PCDHA2: variants seen among roughly 807,000 people sequenced by gnomAD.
PCDHA2 encodes protocadherin alpha-2.
In PCDHA2, 58 loss-of-function variants were observed where a neutral mutation model predicts 66.0. That is an observed-to-expected ratio of 0.88 (90% CI 0.71 to 1.09). The LOEUF (loss-of-function observed/expected upper bound fraction) is 1.09. Among genes scored for constraint, PCDHA2 ranks in the 50% least tolerant of loss-of-function variants. PCDHA2 has a pLI of 0.00. For synonymous variants in PCDHA2, 634 were observed against 554.0 expected (o/e 1.14, Z -2.03); for missense variants, 1,267 against 1,242.3 (o/e 1.02, Z -0.30).
intron 1 of PCDHA2, chr5:140,870,955 C>A (rs782342308): frequency 1.9e-6 from 3 of 1,613,632 alleles, no homozygotes; most frequent in Non-Finnish European, 2.5e-6. Flanking sequence ...GGGCGGCTCG[C>A]GCATCCCGTT....
intron 1 of PCDHA2, among the ~76,000 whole-genome samples, chr5:140,971,134 G>A (rs1387380195): frequency 6.6e-6 from 1 of 152,170 alleles, no homozygotes; most frequent in African/African-American, 2.4e-5. Context: ...GTGGTGAAGA[G>A]GCATGAACAA....
intron 1 of PCDHA2, chr5:140,882,640 G>C (rs1330929245): frequency 1.2e-6 from 2 of 1,614,068 alleles, no homozygotes; most frequent in Admixed American, 3.3e-5. Context: ...TGAAGGTGAG[G>C]GACATTAACG....
In PCDHA2 at chr5:140,796,206, C is replaced by T. The variant is rs1355521802; in HGVS notation, c.1242C>T (p.Asp414=). 15 of 1,614,096 alleles carry T rather than the reference C, an allele frequency of 9.3e-6. No homozygotes were observed. Among genetic ancestry groups the T allele is most frequent in the Middle Eastern group, 1.6e-4 (1 of 6,072 alleles). ...YYSLVLDSAL[D]RESVSAYELV... ...CGTTGGTGCTGGACAGCGCCCTGGA[C>T]CGCGAGAGCGTGTCAGCCTATGAGC... The change falls in exon 1 of 4, where the codon GAC becomes GAT. Residue 414 remains aspartate, a synonymous_variant. Coordinates refer to ENST00000526136, the MANE Select transcript of PCDHA2 (RefSeq NM_018905.3).
intron 1 of PCDHA2, among the ~76,000 whole-genome samples, chr5:140,845,869 C>A (rs1190017155): frequency 6.7e-6 from 1 of 149,586 alleles, no homozygotes; most frequent in Non-Finnish European, 1.5e-5. Flanking sequence ...TGCAGAAAGG[C>A]AACCTAAAAT....
chr5:140,997,567 G>A (rs1163598467), intron 3 of PCDHA2, among the ~76,000 whole-genome samples: 1 of 152,130 alleles, frequency 6.6e-6, no homozygotes, highest in Non-Finnish European at 1.5e-5. Flanking sequence ...ACTGTCATAT[G>A]TGTGGTCCGT....
At chr5:140,905,395 G>T (rs1562949609) in intron 1 of PCDHA2, among the ~76,000 whole-genome samples, 1 of 152,166 alleles carries the variant, frequency 6.6e-6, no homozygotes. Context: ...AGGTCTGTGT[G>T]CCTATTTTTA....
At chr5:140,870,193 C>T in intron 1 of PCDHA2, 2 of 1,614,156 alleles carry the variant, frequency 1.2e-6, no homozygotes, top group Non-Finnish European at 8.5e-7. Flanking sequence ...GGACGCTCAG[C>T]CCAGCACGGT....
chr5:140,814,233 T>C (rs115891865), intron 1 of PCDHA2: 340 of 152,654 alleles, frequency 2.2e-3, no homozygotes, highest in Non-Finnish European at 4.0e-3. Context: ...TTTGTTGTTG[T>C]TGTTAAAAAT....
chr5:141,003,411 G>A (rs537266386), intron 3 of PCDHA2, among the ~76,000 whole-genome samples: 4 of 152,092 alleles, frequency 2.6e-5, no homozygotes, highest in Non-Finnish European at 4.4e-5. Context: ...TCCCGGGTTC[G>A]AGTGATTCTT....
chr5:140,842,806 G>A (rs2150344901), intron 1 of PCDHA2: 10 of 1,594,218 alleles, frequency 6.3e-6, no homozygotes, highest in South Asian at 3.3e-5. Context: ...ACTCGCTTGT[G>A]GAGCGGCGGG....
intron 1 of PCDHA2, chr5:140,850,741 C>G: frequency 6.3e-7 from 1 of 1,597,822 alleles, no homozygotes. Flanking sequence ...GGGAGTTGGT[C>G]GTACTCGCAG....
chr5:140,962,554 C>T lies in PCDHA2; in HGVS notation c.2389-16395C>T, dbSNP rs567554880. ...TTAGAACTAAAAATGTAGAGGATCTCCCCCTAAAAGCCAATTGTTAATGCC... is the reference window on the plus strand; with the variant it reads ...TTAGAACTAAAAATGTAGAGGATCTTCCCCTAAAAGCCAATTGTTAATGCC... On this transcript the variant is annotated intron_variant, in intron 1 of 3. Transcript: ENST00000526136. 3.9e-5 allele frequency among the ~76,000 whole-genome samples: 6 copies of T among 152,284 alleles called. No individual in the cohort carries two copies. The South Asian group carries it at 1.2e-3, about 32-fold the overall frequency.
intron 1 of PCDHA2, chr5:140,848,890 T>A (rs1554142528): frequency 3.1e-6 from 5 of 1,595,934 alleles, no homozygotes; most frequent in Non-Finnish European, 4.3e-6. Context: ...AACCCTCCAG[T>A]GTTCCCAGCG....
intron 1 of PCDHA2, chr5:140,808,960 G>A (rs1554124917): frequency 6.2e-7 from 1 of 1,613,474 alleles, no homozygotes; most frequent in Admixed American, 1.7e-5. Context: ...GCCACGTGGT[G>A]GCAAAGGTGC....
intron 1 of PCDHA2, chr5:140,883,560 G>C: frequency 6.2e-7 from 1 of 1,614,184 alleles, no homozygotes; most frequent in South Asian, 1.1e-5. Flanking sequence ...CGGGACGGGG[G>C]CTCGCCTTCG....
rs983313958 is a variant in PCDHA2 at position 140,856,486 on chromosome 5, G to A, written c.2388+59134G>A. The A allele has an allele frequency of 4.4e-6, 7 of 1,598,346 alleles. No homozygotes were observed. The Middle Eastern group carries it at 1.0e-3, about 228-fold the overall frequency. On this transcript the variant is annotated intron_variant, in intron 1 of 3. Transcript: ENST00000526136. ...AGCTCTCAATACCTGAATCCAGACTGCTTGACTCTCGATTTCCACTAGAAG... is the reference window on the plus strand; with the variant it reads ...AGCTCTCAATACCTGAATCCAGACTACTTGACTCTCGATTTCCACTAGAAG...
chr5:140,878,027 G>C, intron 1 of PCDHA2: 1 of 699,256 alleles, frequency 1.4e-6, no homozygotes, highest in Non-Finnish European at 2.1e-6. Flanking sequence ...GAAATATGTA[G>C]GTACAATGGA....
chr5:140,802,841 C>T (rs782694897), intron 1 of PCDHA2: 2 of 1,613,538 alleles, frequency 1.2e-6, no homozygotes, highest in Non-Finnish European at 1.7e-6. Context: ...TGGGCAGCAA[C>T]GTGACGCTGC....
chr5:140,851,798 T>C lies in PCDHA2; in HGVS notation c.2388+54446T>C. On this transcript the variant is annotated intron_variant, in intron 1 of 3. Coordinates refer to ENST00000526136, the MANE Select transcript of PCDHA2 (RefSeq NM_018905.3). ...TTTAGATGAGAATTCACTTGTTCTGTCAGTAATCCATAAGACAGAAATCTG... is the reference window on the plus strand; with the variant it reads ...TTTAGATGAGAATTCACTTGTTCTGCCAGTAATCCATAAGACAGAAATCTG... 3 of 953,066 alleles carry C rather than the reference T, an allele frequency of 3.1e-6. No individual in the cohort carries two copies. The South Asian group carries it at 1.5e-4, about 46-fold the overall frequency. 59.0% of individuals were successfully genotyped at this position (953,066 alleles called of 1,614,324 possible). A position where few individuals can be genotyped will look rare whatever the true frequency, so the allele number is the denominator to read the frequency against.
Sources: allele counts gnomAD v4.1 joint callset (sites outside exome capture counted in the v4.1 genomes callset), GRCh38; gene constraint gnomAD v4.1.1; transcripts MANE v1.5; gene names NCBI Gene and HGNC (gene_info 2026-07-23, HGNC 2026-07-21).